Variants in GNPAT observed in about 807,000 individuals in gnomAD.
The protein encoded by GNPAT is dihydroxyacetone phosphate acyltransferase.
In GNPAT, 30 loss-of-function variants were observed where a neutral mutation model predicts 78.4. The observed-to-expected ratio is 0.38, with a 90% confidence interval of 0.29 to 0.52. GNPAT has a LOEUF of 0.52. Ranked by LOEUF, GNPAT falls within the 20% of genes least tolerant of loss-of-function variation. GNPAT has a pLI of 0.84. For missense variants in GNPAT, 714 were observed against 812.2 expected, an observed-to-expected ratio of 0.88 and a Z score of 1.47; for synonymous variants, 271 against 281.1, an observed-to-expected ratio of 0.96 and a Z score of 0.36.
chr1:231,273,820 T>C, intron 11 of GNPAT, 102 bp from the exon 12 acceptor site: 1 of 881,818 alleles, frequency 1.1e-6, no homozygotes, highest in Non-Finnish European at 1.9e-6. Flanking sequence ...TATATTCAGA[T>C]AGGCAGTGTA....
chr1:231,267,698 G>A lies in GNPAT; in HGVS notation c.1074G>A (p.Gln358=), dbSNP rs1685430250. 2 of 1,581,972 alleles carry A rather than the reference G, an allele frequency of 1.3e-6. No individual in the cohort carries two copies. The highest frequency in any genetic ancestry group is 1.3e-5 in the African/African-American group (1 of 74,252). Residue 358 remains glutamine, a synonymous_variant, in exon 9 of 16, where the codon CAG becomes CAA. Coordinates refer to ENST00000366647, the MANE Select transcript of GNPAT (RefSeq NM_014236.4). ...CTTTTAGATACATTCCTCAGAAACA[G>A]TCTGAGGACATGCATGCCTTTGTCA... ...NLVPRYIPQK[Q]SEDMHAFVTE...
chr1:231,268,892 C>T (rs907776700), intron 9 of GNPAT, among the ~76,000 whole-genome samples: 2 of 132,224 alleles, frequency 1.5e-5, no homozygotes, highest in African/African-American at 3.0e-5. Context: ...GGTGATAGAG[C>T]GAGATTCCGT....
At chr1:231,259,793 C>A (rs938205752) in intron 2 of GNPAT, among the ~76,000 whole-genome samples, 1 of 152,290 alleles carries the variant, frequency 6.6e-6, no homozygotes, top group East Asian at 1.9e-4. Context: ...AAAGCACTCT[C>A]CTTTGGGAAG....
At chr1:231,272,972 C>CT (rs1685609384) in intron 11 of GNPAT, among the ~76,000 whole-genome samples, 1 of 151,892 alleles carries the variant, frequency 6.6e-6, no homozygotes, top group Non-Finnish European at 1.5e-5. Context: ...AAGACTCCAT[C>CT]TCAAAAAAAA....
rs572049252 is a variant in GNPAT at position 231,245,692 on chromosome 1, G to A, written c.78+4236G>A. On this transcript the variant is annotated intron_variant, in intron 1 of 15. Transcript: ENST00000366647. ...AGCCATTATTAAAAATTAAATAGCC[G>A]GGCGCTGTGGCTTACGCCTGTAATC... Among the ~76,000 whole-genome samples the A allele has an allele frequency of 8.5e-5, 13 of 152,276 alleles. No homozygotes were observed. In the East Asian group the frequency reaches 1.2e-3, roughly 14 times the overall value.
intron 2 of GNPAT, among the ~76,000 whole-genome samples, chr1:231,257,151 G>C (rs961159635): frequency 3.9e-5 from 6 of 152,216 alleles, no homozygotes; most frequent in African/African-American, 1.4e-4. Flanking sequence ...CTTCAAGCAA[G>C]CCAGCCTGTT....
Position 231,267,684 on chromosome 1 carries a change from A to T in GNPAT, c.1060A>T (p.Ile354Phe). Residue 354 changes from isoleucine (I) to phenylalanine (F), a missense_variant, in exon 9 of 16, where the codon ATT (isoleucine) becomes TTT (phenylalanine). Physicochemically the swap from Ile to Phe is conservative, Grantham distance 21. Transcript: ENST00000366647. ...GCTCTGTGCTCTTCCTTTTAGATACATTCCTCAGAAACAGTCTGAGGACAT... is the reference window on the plus strand; with the variant it reads ...GCTCTGTGCTCTTCCTTTTAGATACTTTCCTCAGAAACAGTCTGAGGACAT... ...RSSYNLVPRY[I>F]PQKQSEDMHA... is the part of the protein sequence containing the mutation. 2 of 1,551,250 alleles carry T rather than the reference A, an allele frequency of 1.3e-6. No individual in the cohort carries two copies. Among genetic ancestry groups the T allele is most frequent in the Non-Finnish European group, 1.8e-6 (2 of 1,122,564 alleles).
At chr1:231,272,474 G>C in intron 11 of GNPAT, 83 bp downstream of exon 11, 4 of 793,596 alleles carry the variant, frequency 5.0e-6, no homozygotes, top group Non-Finnish European at 9.0e-6. Flanking sequence ...ATGTGTCTCA[G>C]GCAGTGTGCC....
In GNPAT at chr1:231,277,559, A is replaced by G; in HGVS notation, c.*17A>G. 1 of 1,514,010 alleles carries G rather than the reference A, an allele frequency of 6.6e-7. No homozygotes were observed. The highest frequency in any genetic ancestry group is 9.2e-7 in the Non-Finnish European group (1 of 1,088,548). 93.8% of individuals were successfully genotyped at this position (1,514,010 alleles called of 1,614,324 possible). On this transcript the variant is annotated 3_prime_UTR_variant, in exon 16 of 16. Coordinates refer to ENST00000366647, the MANE Select transcript of GNPAT (RefSeq NM_014236.4). The stretch of plus-strand genomic sequence containing the variant: ...AAACTTTAATAATCAACAAATAGTT[A>G]TGGAAAATTCGGTCACGTAATTACT...
chr1:231,265,231 A>T, intron 4 of GNPAT, 62 bp from the exon 5 acceptor site: 1 of 1,160,452 alleles, frequency 8.6e-7, no homozygotes, highest in Non-Finnish European at 1.3e-6. Flanking sequence ...AAGCATGTTT[A>T]AGTTTAGATC....
intron 2 of GNPAT, among the ~76,000 whole-genome samples, chr1:231,252,118 A>C (rs972087770): frequency 2.6e-5 from 4 of 152,238 alleles, no homozygotes; most frequent in African/African-American, 9.6e-5. Flanking sequence ...TGTTTTAGAA[A>C]AACCATTCTG....
At chr1:231,250,164 G>A (rs994914368) in intron 1 of GNPAT, among the ~76,000 whole-genome samples, 9 of 151,668 alleles carry the variant, frequency 5.9e-5, no homozygotes, top group Non-Finnish European at 8.8e-5. Context: ...TTGAATGCCC[G>A]GCTTCAAGCA....
chr1:231,275,919 T>C (rs1263645405), intron 14 of GNPAT, among the ~76,000 whole-genome samples: 2 of 152,194 alleles, frequency 1.3e-5, no homozygotes, highest in African/African-American at 4.8e-5. Flanking sequence ...TAAAGCTTAA[T>C]AGTAAACTCT....
chr1:231,248,332 G>A (rs1684802396), intron 1 of GNPAT, among the ~76,000 whole-genome samples: 2 of 152,134 alleles, frequency 1.3e-5, no homozygotes, highest in Non-Finnish European at 2.9e-5. Flanking sequence ...GGAGTGGATC[G>A]TCATTAATCC....
chr1:231,267,855 T>C lies in GNPAT; in HGVS notation c.1231T>C (p.Trp411Arg). 6.2e-7 allele frequency: 1 copy of C among 1,613,978 alleles called. No individual in the cohort carries two copies. Among genetic ancestry groups the C allele is most frequent in the Non-Finnish European group, 8.5e-7 (1 of 1,179,808 alleles). ...DFDALVEKTLWLKGLTQAFGG... is the reference protein window; with the variant it reads ...DFDALVEKTLRLKGLTQAFGG... ...TGATGCTCTGGTGGAAAAGACTTTA[T>C]GGCTAAAAGGCTTAACCCAGGCATT... The change falls in exon 9 of 16, where the codon TGG (tryptophan) becomes CGG (arginine). Residue 411 changes from tryptophan to arginine, a missense_variant. Transcript: ENST00000366647.
At chr1:231,259,727 A>G (rs1020726273) in intron 2 of GNPAT, among the ~76,000 whole-genome samples, 2 of 152,036 alleles carry the variant, frequency 1.3e-5, no homozygotes. Context: ...CTTCTTCACT[A>G]CATGTAATTG....
At position 231,267,778 on chromosome 1, in the gene GNPAT, C is replaced by T; in HGVS notation, c.1154C>T (p.Pro385Leu). The change falls in exon 9 of 16, where the codon CCC (proline) becomes CTC (leucine). Residue 385 changes from proline to leucine, a missense_variant. Transcript: ENST00000366647. ...LLQIENMVLSPWTLIVAVLLQ... is the reference protein window; with the variant it reads ...LLQIENMVLSLWTLIVAVLLQ... Reference sequence around the variant, plus strand: ...CAAATTGAAAACATGGTTTTGAGCCCCTGGACCCTAATAGTTGCTGTTCTG... The same window carrying T: ...CAAATTGAAAACATGGTTTTGAGCCTCTGGACCCTAATAGTTGCTGTTCTG... The T allele has an allele frequency of 6.2e-7, 1 of 1,613,228 alleles. No homozygotes were observed. Among genetic ancestry groups the T allele is most frequent in the Non-Finnish European group, 8.5e-7 (1 of 1,179,216 alleles).
intron 2 of GNPAT, among the ~76,000 whole-genome samples, chr1:231,259,418 C>T (rs989995970): frequency 2.6e-5 from 4 of 152,018 alleles, no homozygotes; most frequent in African/African-American, 9.7e-5. Context: ...GAGGCTGAGG[C>T]GGGCGGATCA....
intron 1 of GNPAT, among the ~76,000 whole-genome samples, chr1:231,248,380 A>C (rs928767221): frequency 2.0e-5 from 3 of 152,068 alleles, no homozygotes; most frequent in Admixed American, 6.6e-5. Flanking sequence ...TAGGCTGAGG[A>C]GGAGGAGGAA....
Sources: gnomAD v4.1 joint callset for allele counts (sites outside exome capture counted in the v4.1 genomes callset) on GRCh38, gnomAD v4.1.1 for gene constraint, MANE v1.5 for transcripts, NCBI Gene and HGNC (gene_info 2026-07-23, HGNC 2026-07-21) for gene names.